The following DOCK1 variants were observed in gnomAD, a reference collection of about 807,000 sequenced individuals.
The protein encoded by DOCK1 is dedicator of cytokinesis 1.
In DOCK1, 138 loss-of-function variants were observed where a neutral mutation model predicts 262.7. The ratio of observed to expected loss-of-function variants is 0.53; its 90% CI spans 0.46 to 0.61. DOCK1 has a LOEUF of 0.61. Ranked by LOEUF, DOCK1 falls within the 20% of genes least tolerant of loss-of-function variation. The pLI, the probability that DOCK1 is intolerant of heterozygous loss-of-function variation, is 0.00. For missense variants in DOCK1, 1,908 were observed against 2,370.7 expected (o/e 0.80, Z 4.05); for synonymous variants, 866 against 867.4 (o/e 1.00, Z 0.03).
intron 29 of DOCK1, among the ~76,000 whole-genome samples, chr10:127,299,008 A>G (rs2061593379): frequency 6.6e-6 from 1 of 152,174 alleles, no homozygotes; most frequent in Non-Finnish European, 1.5e-5. Context: ...TGAAGTCCTT[A>G]TTCCTGTCAC....
chr10:127,412,635 A>G (rs2134408702), intron 43 of DOCK1, among the ~76,000 whole-genome samples: 1 of 152,322 alleles, frequency 6.6e-6, no homozygotes, highest in East Asian at 1.9e-4. Context: ...GACCAGAGCA[A>G]AGCTCGGAAC....
chr10:127,294,909 C>T (rs1209458097), intron 29 of DOCK1, among the ~76,000 whole-genome samples: 1 of 150,798 alleles, frequency 6.6e-6, no homozygotes, highest in Non-Finnish European at 1.5e-5. Flanking sequence ...CCCAAAGTGT[C>T]AGGATTACAG....
At chr10:127,018,621 A>G in intron 12 of DOCK1, 89 bp from the exon 13 acceptor site, 2 of 1,579,320 alleles carry the variant, frequency 1.3e-6, no homozygotes, top group South Asian at 1.1e-5. Context: ...GTGAATTAAA[A>G]GTCTCTCATT....
chr10:126,928,408 C>T (rs1324875289), intron 1 of DOCK1, among the ~76,000 whole-genome samples: 6 of 152,170 alleles, frequency 3.9e-5, no homozygotes, highest in Admixed American at 3.9e-4. Flanking sequence ...AAGCCTCCAG[C>T]TTAAGATGTG....
chr10:127,331,578 G>A (rs374974678), intron 29 of DOCK1, among the ~76,000 whole-genome samples: 12 of 152,248 alleles, frequency 7.9e-5, no homozygotes, highest in East Asian at 1.9e-4. Context: ...CACGGCGCCC[G>A]GCCCGGATTC....
At chr10:126,923,843 GC>G (rs1461782446) in intron 1 of DOCK1, among the ~76,000 whole-genome samples, 3 of 152,140 alleles carry the variant, frequency 2.0e-5, no homozygotes, top group Non-Finnish European at 4.4e-5. Context: ...TCTAAAAGAG[GC>G]CCCGGAGAGC....
intron 38 of DOCK1, among the ~76,000 whole-genome samples, chr10:127,391,276 C>T (rs1026118357): frequency 3.9e-5 from 6 of 152,092 alleles, no homozygotes; most frequent in Admixed American, 1.3e-4. Context: ...GTCAAGACTA[C>T]GGCAGTTACC....
chr10:127,031,323 C>G (rs933288193), intron 16 of DOCK1, among the ~76,000 whole-genome samples: 2 of 152,186 alleles, frequency 1.3e-5, no homozygotes, highest in African/African-American at 4.8e-5. Flanking sequence ...GGGCTTTCCT[C>G]TGCCTTCTTC....
chr10:127,193,743 T>G (rs1166163313), intron 27 of DOCK1, among the ~76,000 whole-genome samples: 1 of 152,152 alleles, frequency 6.6e-6, no homozygotes, highest in African/African-American at 2.4e-5. Context: ...ATTTATTGAT[T>G]TATTTAAAAA....
At chr10:126,941,750 A>G (rs1004393712) in intron 1 of DOCK1, among the ~76,000 whole-genome samples, 48 of 149,718 alleles carry the variant, frequency 3.2e-4, no homozygotes, top group Admixed American at 2.2e-3. Flanking sequence ...GCGAGACTCC[A>G]TCTCAAAACA....
intron 7 of DOCK1, among the ~76,000 whole-genome samples, chr10:126,997,579 G>C (rs143447989): frequency 3.6e-4 from 55 of 152,140 alleles, no homozygotes; most frequent in African/African-American, 1.2e-3. Flanking sequence ...TGAGAGGATG[G>C]TGCTAAACCA....
At chr10:126,908,575 A>C (rs528009540) in intron 1 of DOCK1, among the ~76,000 whole-genome samples, 7 of 152,236 alleles carry the variant, frequency 4.6e-5, no homozygotes, top group Non-Finnish European at 1.0e-4. Flanking sequence ...CTTCAGTTGT[A>C]TATTTATTTT....
At chr10:126,932,797 G>A (rs1290099770) in intron 1 of DOCK1, among the ~76,000 whole-genome samples, 2 of 152,092 alleles carry the variant, frequency 1.3e-5, no homozygotes, top group East Asian at 1.9e-4. Flanking sequence ...GTCCCTCTCC[G>A]CTTGACATTT....
In DOCK1 at chr10:126,906,189, G is replaced by T. The variant is rs1236983361; in HGVS notation, c.46+626G>T. 5.9e-5 allele frequency among the ~76,000 whole-genome samples: 9 copies of T among 152,330 alleles called. No individual in the cohort carries two copies. The East Asian group carries it at 1.7e-3, about 30-fold the overall frequency. ...GCGCCCCAGTGGCCCCAGGCCTGGA[G>T]ACCCTTCCGGGAGAGCGGGGGCCTG... On this transcript the variant is annotated intron_variant, in intron 1 of 51. Transcript: ENST00000623213.
intron 21 of DOCK1, among the ~76,000 whole-genome samples, chr10:127,048,872 A>G (rs943792576): frequency 7.9e-5 from 12 of 152,214 alleles, no homozygotes; most frequent in Non-Finnish European, 1.8e-4. Context: ...TGATCTGATA[A>G]AGCTCATCTA....
chr10:127,184,963 G>C (rs2056092823), intron 27 of DOCK1, among the ~76,000 whole-genome samples: 1 of 152,176 alleles, frequency 6.6e-6, no homozygotes, highest in Non-Finnish European at 1.5e-5. Context: ...CTTTGGCAGT[G>C]TCTAGTCCAG....
intron 27 of DOCK1, among the ~76,000 whole-genome samples, chr10:127,174,134 G>A (rs2054842797): frequency 6.6e-6 from 1 of 152,168 alleles, no homozygotes; most frequent in Non-Finnish European, 1.5e-5. Context: ...GTGGTTTTCT[G>A]TCCTGGAAAT....
chr10:127,135,278 G>A (rs1414891180), intron 27 of DOCK1: 9 of 152,082 alleles, frequency 5.9e-5, no homozygotes, highest in Non-Finnish European at 8.8e-5. Context: ...TGGCTGGTGG[G>A]TCAGGCCCAG....
Position 126,996,813 on chromosome 10 carries a change from G to C in DOCK1, c.539G>C (p.Ser180Thr), listed in dbSNP as rs2040230139. Residue 180 changes from serine (S) to threonine (T), a missense_variant, in exon 7 of 52, where the codon AGC (serine) becomes ACC (threonine). By Grantham distance (58) the Ser-to-Thr change is moderately conservative. Coordinates refer to ENST00000623213, the MANE Select transcript of DOCK1 (RefSeq NM_001290223.2). Reference protein sequence around the residue: ...DGNILDPELTSTISLFRAHEI... With the variant: ...DGNILDPELTTTISLFRAHEI... The stretch of plus-strand genomic sequence containing the variant: ...AATATTTTGGATCCAGAATTAACTA[G>C]CACGATTAGTCTCTTCAGAGCTCAT... 6.2e-7 allele frequency: 1 copy of C among 1,612,832 alleles called. No homozygotes were observed. Among genetic ancestry groups the C allele is most frequent in the Non-Finnish European group, 8.5e-7 (1 of 1,179,594 alleles).
Sources: gnomAD v4.1 joint callset for allele counts (sites outside exome capture counted in the v4.1 genomes callset) on GRCh38, gnomAD v4.1.1 for gene constraint, MANE v1.5 for transcripts, NCBI Gene and HGNC (gene_info 2026-07-23, HGNC 2026-07-21) for gene names.